The following RTKN2 variants were observed in gnomAD, a reference collection of about 807,000 sequenced individuals.
RTKN2 encodes rhotekin 2.
In RTKN2, 69 loss-of-function variants were observed where a neutral mutation model predicts 71.5. The observed-to-expected ratio is 0.96, with a 90% confidence interval of 0.79 to 1.18. The LOEUF (loss-of-function observed/expected upper bound fraction) is 1.18. Among genes scored for constraint, RTKN2 ranks in the 50% most tolerant of loss-of-function variants. The pLI is 0.00. For missense variants in RTKN2, 724 were observed against 719.7 expected, an observed-to-expected ratio of 1.01 and a Z score of -0.07; for synonymous variants, 236 against 236.5, an observed-to-expected ratio of 1.00 and a Z score of 0.02.
In RTKN2 at chr10:62,197,156, T is replaced by C; in HGVS notation, c.*752A>G. ...CTACTCACTTCCCTAAATTCCAAAGTCACAATGGAAATTAGCACCACACAC... is the reference window on the plus strand; with the variant it reads ...CTACTCACTTCCCTAAATTCCAAAGCCACAATGGAAATTAGCACCACACAC... On this transcript the variant is annotated 3_prime_UTR_variant, in exon 12 of 12. Transcript: ENST00000373789. 1.0e-6 allele frequency: 1 copy of C among 985,512 alleles called. No homozygotes were observed. Among genetic ancestry groups the C allele is most frequent in the African/African-American group, 1.7e-5 (1 of 57,332 alleles). 61.0% of individuals were successfully genotyped at this position (985,512 alleles called of 1,614,324 possible).
intron 2 of RTKN2, among the ~76,000 whole-genome samples, chr10:62,260,414 A>G (rs1016607421): frequency 2.0e-5 from 3 of 152,230 alleles, no homozygotes; most frequent in South Asian, 2.1e-4. Flanking sequence ...ACCTCAGGTT[A>G]TATCTTCACA....
intron 9 of RTKN2, among the ~76,000 whole-genome samples, chr10:62,216,505 T>C (rs142878932): frequency 2.6e-5 from 4 of 152,218 alleles, no homozygotes; most frequent in South Asian, 2.1e-4. Flanking sequence ...TTGCCTTATA[T>C]TGAAGTTTTC....
At position 62,211,884 on chromosome 10, in the gene RTKN2, TTGATCTCC is replaced by T. The variant is rs1159331383; in HGVS notation, c.1020+5226_1020+5233del. On this transcript the variant is annotated intron_variant, in intron 9 of 11. Transcript: ENST00000373789. ...TTTCACCCTGTTATCCAGGATGGTC[TTGATCTCC>T]TGATCTCCTGATCCGCCCGTGCTGA... 3.3e-5 allele frequency among the ~76,000 whole-genome samples: 5 copies of T among 152,238 alleles called. No homozygotes were observed. In the South Asian group the frequency reaches 6.2e-4, roughly 19 times the overall value.
At position 62,205,042 on chromosome 10, in the gene RTKN2, T is replaced by C. The variant is rs775945982; in HGVS notation, c.1021-20A>G. On this transcript the variant is annotated intron_variant, in intron 9 of 11. Transcript: ENST00000373789. ...GGTTTCCTAAAAATTAAGAAAAAAATTGGGGTTTTGCATGAGAAAATTTCT... is the reference window on the plus strand; with the variant it reads ...GGTTTCCTAAAAATTAAGAAAAAAACTGGGGTTTTGCATGAGAAAATTTCT... 1.4e-5 allele frequency: 22 copies of C among 1,568,556 alleles called. No individual in the cohort carries two copies. The South Asian group carries it at 2.5e-4, about 18-fold the overall frequency.
At chr10:62,241,259 C>G (rs1842368798) in intron 3 of RTKN2, 64 bp from the exon 4 acceptor site, 14 of 908,748 alleles carry the variant, frequency 1.5e-5, no homozygotes, top group Non-Finnish European at 1.9e-5. Context: ...TTTACAGTGA[C>G]CTGAACCTCT....
In RTKN2 at chr10:62,195,817, G is replaced by T. The variant is rs112852060; in HGVS notation, c.*2091C>A. 19 of 985,448 alleles carry T rather than the reference G, an allele frequency of 1.9e-5. No homozygotes were observed. Among genetic ancestry groups the T allele is most frequent in the African/African-American group, 7.0e-5 (4 of 57,320 alleles). 61.0% of individuals were successfully genotyped at this position (985,448 alleles called of 1,614,324 possible). A position where few individuals can be genotyped will look rare whatever the true frequency, so the allele number is the denominator to read the frequency against. ...AGAGACCGAATAATTTGGTGGGGAG[G>T]GGGTGGTGGTCCTTGCTCAGGCTTT... On this transcript the variant is annotated 3_prime_UTR_variant, in exon 12 of 12. Coordinates refer to ENST00000373789, the MANE Select transcript of RTKN2 (RefSeq NM_145307.4).
At chr10:62,205,300 C>T (rs1261481260) in intron 9 of RTKN2, among the ~76,000 whole-genome samples, 3 of 151,544 alleles carry the variant, frequency 2.0e-5, no homozygotes, top group Admixed American at 6.6e-5. Context: ...AACATAACCC[C>T]TGTTTTGATC....
intron 2 of RTKN2, among the ~76,000 whole-genome samples, chr10:62,251,090 C>T (rs1842572355): frequency 6.6e-6 from 1 of 152,184 alleles, no homozygotes; most frequent in Non-Finnish European, 1.5e-5. Flanking sequence ...ATCAGAGTAA[C>T]TCTCAAGGTA....
Position 62,268,700 on chromosome 10 carries a change from C to A in RTKN2, c.-90G>T. The A allele has an allele frequency of 7.4e-7, 1 of 1,354,134 alleles. No homozygotes were observed. The allele number at this position is 1,354,134 out of a possible 1,614,324, so 83.9% of individuals were successfully genotyped here. On this transcript the variant is annotated 5_prime_UTR_variant, in exon 1 of 12. Transcript: ENST00000373789. ...TGGCAGGAGCCGCAGAGGACGCCAACCGCCCGGCCGTACCAAGTCCCAGTC... is the reference window on the plus strand; with the variant it reads ...TGGCAGGAGCCGCAGAGGACGCCAAACGCCCGGCCGTACCAAGTCCCAGTC...
At position 62,268,689 on chromosome 10, in the gene RTKN2, GA is replaced by G; in HGVS notation, c.-80del. 1 of 1,442,222 alleles carries G rather than the reference GA, an allele frequency of 6.9e-7. No homozygotes were observed. The highest frequency in any genetic ancestry group is 2.3e-4 in the Middle Eastern group (1 of 4,296). 89.3% of individuals were successfully genotyped at this position (1,442,222 alleles called of 1,614,324 possible). ...AAGCCCGCCCCTGGCAGGAGCCGCA[GA>G]GGACGCCAACCGCCCGGCCGTACCA... is the stretch of plus-strand genomic sequence containing the variant. On this transcript the variant is annotated 5_prime_UTR_variant, in exon 1 of 12. Transcript: ENST00000373789.
chr10:62,214,914 C>A, intron 9 of RTKN2: 1 of 517,870 alleles, frequency 1.9e-6, no homozygotes, highest in Non-Finnish European at 3.4e-6. Context: ...AAGGGTGAGC[C>A]ATATAATTTT....
chr10:62,255,041 C>A (rs1428468688), intron 2 of RTKN2, among the ~76,000 whole-genome samples: 1 of 151,864 alleles, frequency 6.6e-6, no homozygotes, highest in Admixed American at 6.6e-5. Context: ...AACTGTAGAA[C>A]CTTAGTGGTA....
chr10:62,203,486 A>G (rs924430600), intron 10 of RTKN2, among the ~76,000 whole-genome samples: 2 of 152,100 alleles, frequency 1.3e-5, no homozygotes, highest in Non-Finnish European at 2.9e-5. Flanking sequence ...CTGGGACTAC[A>G]GGCACGTGCC....
At position 62,213,689 on chromosome 10, in the gene RTKN2, AGTCTTAT is replaced by A. The variant is rs1417221262; in HGVS notation, c.1020+3422_1020+3428del. Among the ~76,000 whole-genome samples, 6 of 152,240 alleles carry A rather than the reference AGTCTTAT, an allele frequency of 3.9e-5. No individual in the cohort carries two copies. In the South Asian group the frequency reaches 1.2e-3, roughly 32 times the overall value. On this transcript the variant is annotated intron_variant, in intron 9 of 11. Transcript: ENST00000373789. ...CAGGAATGAAGTATCATGATATCAA[AGTCTTAT>A]GTTCAAATGGGTCATCAAAAAATAT... is the stretch of plus-strand genomic sequence containing the variant.
At chr10:62,252,009 C>T (rs989609849) in intron 2 of RTKN2, among the ~76,000 whole-genome samples, 1 of 151,662 alleles carries the variant, frequency 6.6e-6, no homozygotes, top group African/African-American at 2.4e-5. Context: ...AAAGAAGAGC[C>T]AACGTATATG....
intron 2 of RTKN2, among the ~76,000 whole-genome samples, chr10:62,261,256 A>G (rs1277433658): frequency 6.6e-6 from 1 of 152,222 alleles, no homozygotes; most frequent in Non-Finnish European, 1.5e-5. Context: ...AAGGCATTAC[A>G]TTAGGTTTTT....
chr10:62,266,196 C>A (rs1842865922), intron 1 of RTKN2, among the ~76,000 whole-genome samples: 1 of 152,082 alleles, frequency 6.6e-6, no homozygotes, highest in Non-Finnish European at 1.5e-5. Context: ...TAGGAGCATA[C>A]CTTAAAAACA....
chr10:62,241,119 T>G (rs1368158), intron 4 of RTKN2, 23 bp downstream of exon 4: 1,037,865 of 1,384,088 alleles, frequency 0.75, 391,252 homozygotes, highest in East Asian at 0.9. Flanking sequence ...AACATTTCAA[T>G]TACAAATTAA....
At chr10:62,199,933 A>G (rs1841406180) in intron 10 of RTKN2, 72 bp from the exon 11 acceptor site, 2 of 934,072 alleles carry the variant, frequency 2.1e-6, no homozygotes, top group South Asian at 3.1e-5. Flanking sequence ...TTTTTAATAG[A>G]TAGCAATACA....
Sources: gnomAD v4.1 joint callset for allele counts (sites outside exome capture counted in the v4.1 genomes callset) on GRCh38, gnomAD v4.1.1 for gene constraint, MANE v1.5 for transcripts, NCBI Gene and HGNC (gene_info 2026-07-23, HGNC 2026-07-21) for gene names.